The following STARD3 variants were observed in gnomAD, a reference collection of about 807,000 sequenced individuals.
STARD3 encodes stAR-related lipid transfer protein 3.
Under a neutral mutation model 62.0 loss-of-function variants are expected in STARD3, and 39 were observed. That is an observed-to-expected ratio of 0.63 (90% CI 0.49 to 0.82). The LOEUF (loss-of-function observed/expected upper bound fraction) is 0.82. STARD3 is among the 40% of genes least tolerant of loss of function. The probability of loss-of-function intolerance (pLI) is 0.00; values close to 1 mark genes in which losing one functional copy is unlikely to be tolerated. For missense variants in STARD3, 543 were observed against 584.5 expected (o/e 0.93, Z 0.73); for synonymous variants, 229 against 242.4 (o/e 0.94, Z 0.51).
intron 1 of STARD3, among the ~76,000 whole-genome samples, chr17:39,644,715 C>A (rs68087665): frequency 6.6e-6 from 1 of 150,898 alleles, no homozygotes; most frequent in Non-Finnish European, 1.5e-5. Flanking sequence ...GAAAAATTAG[C>A]CTGGCATGGT....
Position 39,662,362 on chromosome 17 carries a change from T to C in STARD3, c.1233+18T>C, listed in dbSNP as rs377433763. On this transcript the variant is annotated intron_variant, in intron 14 of 14. Coordinates refer to ENST00000336308, the MANE Select transcript of STARD3 (RefSeq NM_006804.4). The stretch of plus-strand genomic sequence containing the variant: ...ATCTCAAGGTGGGGTGCTGGGGGGC[T>C]GCCAGGTGGGTTCTGTGGAGTGGAG... The C allele has an allele frequency of 9.3e-6, 15 of 1,611,120 alleles. No individual in the cohort carries two copies. The highest frequency in any genetic ancestry group is 1.1e-5 in the Non-Finnish European group (13 of 1,178,432).
intron 9 of STARD3, 162 bp downstream of exon 9, chr17:39,659,715 T>C: frequency 9.7e-6 from 7 of 718,624 alleles, no homozygotes; most frequent in South Asian, 3.7e-5. Context: ...CTGGGCTGGA[T>C]TGGACGTTTC....
chr17:39,644,335 G>A (rs2057005919), intron 1 of STARD3, among the ~76,000 whole-genome samples: 1 of 152,156 alleles, frequency 6.6e-6, no homozygotes, highest in African/African-American at 2.4e-5. Flanking sequence ...GGAAGAGCCA[G>A]GAGACTCGAA....
chr17:39,654,401 CAAAT>C (rs1184030606), intron 2 of STARD3, among the ~76,000 whole-genome samples: 11 of 152,216 alleles, frequency 7.2e-5, no homozygotes, highest in South Asian at 6.2e-4. Flanking sequence ...GACCCTGACT[CAAAT>C]AAATAAGTAA....
rs74665037 is a variant in STARD3, at chr17:39,653,805, G to A, written c.219+55G>A. The A allele has an allele frequency of 1.5e-3, 2,376 of 1,601,986 alleles. 28 individuals carry two copies. In the African/African-American group the frequency reaches 0.028, roughly 19 times the overall value. Reference sequence around the variant, plus strand: ...CATGTTGCAGGCCACCCGGGCCTCAGTTTGTCCATCTGCCACATGGGAGGG... The same window carrying A: ...CATGTTGCAGGCCACCCGGGCCTCAATTTGTCCATCTGCCACATGGGAGGG... On this transcript the variant is annotated intron_variant, in intron 2 of 14. Transcript: ENST00000336308.
intron 14 of STARD3, 143 bp downstream of exon 14, chr17:39,662,487 G>A (rs2057211092): frequency 8.3e-6 from 7 of 839,946 alleles, no homozygotes; most frequent in Non-Finnish European, 1.3e-5. Context: ...GAAAATTTGG[G>A]TCAGGGTCCA....
chr17:39,660,437 C>T lies in STARD3; in HGVS notation c.865C>T (p.Leu289=), dbSNP rs748722348. 18 of 1,613,894 alleles carry T rather than the reference C, an allele frequency of 1.1e-5. No homozygotes were observed. Among genetic ancestry groups the T allele is most frequent in the Non-Finnish European group, 1.4e-5 (16 of 1,180,030 alleles). ...HGKTFILKTF[L]PCPAELVYQE... is the part of the protein sequence containing the mutation. ...CTCTGCCGCCCTGTCCCAGACCTTC[C>T]TGCCCTGTCCTGCGGAGCTCGTGTA... Residue 289 remains leucine, a synonymous_variant, in exon 11 of 15, where the codon CTG becomes TTG. Coordinates refer to ENST00000336308, the MANE Select transcript of STARD3 (RefSeq NM_006804.4). This position sits in a 1 kb window ranked among gnomAD's most constrained non-coding sequence, Gnocchi z 4.8.
chr17:39,640,545 G>T (rs1413652103), intron 1 of STARD3, among the ~76,000 whole-genome samples: 1 of 151,080 alleles, frequency 6.6e-6, no homozygotes, highest in African/African-American at 2.4e-5. Context: ...CCCTATGGGG[G>T]CCTTTTCTTG....
Position 39,662,452 on chromosome 17 carries a change from C to T in STARD3, c.1233+108C>T, listed in dbSNP as rs956564413. The T allele has an allele frequency of 7.6e-6, 8 of 1,053,970 alleles. No individual in the cohort carries two copies. The African/African-American group carries it at 7.9e-5, about 10-fold the overall frequency. 65.3% of individuals were successfully genotyped at this position (1,053,970 alleles called of 1,614,324 possible). A position where few individuals can be genotyped will look rare whatever the true frequency, so the allele number is the denominator to read the frequency against. On this transcript the variant is annotated intron_variant, in intron 14 of 14. Transcript: ENST00000336308. The stretch of plus-strand genomic sequence containing the variant: ...GGCTCTCTGCCATGCCTGGGCCTCC[C>T]CTTTGTCAGCCACCTTTCTTACTTG...
Position 39,659,464 on chromosome 17 carries a change from C to A in STARD3, c.706C>A (p.Arg236=). 4 of 1,614,026 alleles carry A rather than the reference C, an allele frequency of 2.5e-6. No homozygotes were observed. Among genetic ancestry groups the A allele is most frequent in the Non-Finnish European group, 3.4e-6 (4 of 1,179,988 alleles). ...CCTGCCTCCTGCTTCCGTCCAGGAG[C>A]GGGAGTACATCCGCCAGGGGAAGGA... ...AGKKSFSAQE[R]EYIRQGKEAT... Residue 236 remains arginine (R), a synonymous_variant, in exon 9 of 15, where the codon CGG becomes AGG. Coordinates refer to ENST00000336308, the MANE Select transcript of STARD3 (RefSeq NM_006804.4).
At chr17:39,659,310 G>A in intron 8 of STARD3, 151 bp from the exon 9 acceptor site, 1 of 974,116 alleles carries the variant, frequency 1.0e-6, no homozygotes, top group Non-Finnish European at 1.5e-6. Flanking sequence ...CCACAAGCCT[G>A]CAGGGCCCAG....
intron 1 of STARD3, among the ~76,000 whole-genome samples, chr17:39,647,062 G>A (rs2144930861): frequency 6.6e-6 from 1 of 152,222 alleles, no homozygotes; most frequent in East Asian, 1.9e-4. Context: ...AGGCAGGCGT[G>A]GTGGCGGGCA....
chr17:39,656,938 TC>T, intron 2 of STARD3, 69 bp from the exon 3 acceptor site: 1 of 1,490,958 alleles, frequency 6.7e-7, no homozygotes, highest in Non-Finnish European at 9.3e-7. Flanking sequence ...TCTTGCCCCT[TC>T]CGGGAGGTGA....
intron 13 of STARD3, among the ~76,000 whole-genome samples, 165 bp from the exon 14 acceptor site, chr17:39,662,086 A>T (rs1283209703): frequency 2.6e-5 from 4 of 152,036 alleles, no homozygotes; most frequent in Admixed American, 2.6e-4. Flanking sequence ...TCTGCAGCCC[A>T]TGGGACACCT....
rs146010122 is a variant in STARD3, at chr17:39,662,892, T to C, written c.1322T>C (p.Leu441Pro). ...AFHLRQRISE[L>P]GARA Reference sequence around the variant, plus strand: ...CACCTGCGACAGCGCATCAGCGAGCTGGGGGCCCGGGCGTGACTGTGCCCC... The same window carrying C: ...CACCTGCGACAGCGCATCAGCGAGCCGGGGGCCCGGGCGTGACTGTGCCCC... Residue 441 changes from leucine to proline, a missense_variant, in exon 15 of 15, where the codon CTG becomes CCG. Physicochemically the swap from Leu to Pro is moderately conservative, Grantham distance 98. Coordinates refer to ENST00000336308, the MANE Select transcript of STARD3 (RefSeq NM_006804.4). 19 of 1,611,992 alleles carry C rather than the reference T, an allele frequency of 1.2e-5. No homozygotes were observed. In the East Asian group the frequency reaches 4.0e-4, roughly 34 times the overall value.
chr17:39,656,830 T>C, intron 2 of STARD3, 178 bp from the exon 3 acceptor site: 1 of 604,948 alleles, frequency 1.7e-6, no homozygotes, highest in South Asian at 2.0e-5. Context: ...GTGCCTGAGG[T>C]CTCTGGCCGT....
At chr17:39,659,171 G>C in intron 8 of STARD3, 65 bp downstream of exon 8, 1 of 1,597,772 alleles carries the variant, frequency 6.3e-7, no homozygotes, top group South Asian at 1.1e-5. Context: ...GCGGGTGCAG[G>C]GGTCAGCCGG....
At chr17:39,645,762 C>T (rs539882772) in intron 1 of STARD3, among the ~76,000 whole-genome samples, 2 of 150,932 alleles carry the variant, frequency 1.3e-5, no homozygotes, top group African/African-American at 4.9e-5. Flanking sequence ...CTAGCCCCAT[C>T]TTACCCGAAA....
chr17:39,657,307 C>G (rs1283110208), intron 3 of STARD3, among the ~76,000 whole-genome samples: 1 of 152,132 alleles, frequency 6.6e-6, no homozygotes, highest in Non-Finnish European at 1.5e-5. Context: ...GGGTGGATCA[C>G]TTGAGGTTAG....
Sources: allele counts gnomAD v4.1 joint callset (sites outside exome capture counted in the v4.1 genomes callset), GRCh38; gene constraint gnomAD v4.1.1; non-coding constraint Gnocchi (gnomAD v3.1); transcripts MANE v1.5; gene names NCBI Gene and HGNC (gene_info 2026-07-23, HGNC 2026-07-21).